Variants in RARB observed in about 807,000 individuals in gnomAD.
RARB encodes the protein HBV-activated protein.
Under a neutral mutation model 51.9 loss-of-function variants are expected in RARB, and 17 were observed. The ratio of observed to expected loss-of-function variants is 0.33; its 90% confidence interval spans 0.22 to 0.49. The LOEUF is 0.49. Ranked by LOEUF, RARB falls within the 20% of genes least tolerant of loss-of-function variation. The probability of loss-of-function intolerance (pLI) is 0.99; values close to 1 mark genes in which losing one functional copy is unlikely to be tolerated. For synonymous variants in RARB, 215 were observed against 195.4 expected, an observed-to-expected ratio of 1.10 and a Z score of -0.84; for missense variants, 369 against 550.8, an observed-to-expected ratio of 0.67 and a Z score of 3.30.
At chr3:25,337,487 C>T (rs535201185) in intron 5 of RARB, among the ~76,000 whole-genome samples, 5 of 152,230 alleles carry the variant, frequency 3.3e-5, no homozygotes, top group South Asian at 2.1e-4. Context: ...ACATTTGCAC[C>T]CTCATTCATT....
intron 2 of RARB, among the ~76,000 whole-genome samples, chr3:25,469,156 G>A (rs112377101): frequency 5.3e-5 from 8 of 152,198 alleles, no homozygotes; most frequent in African/African-American, 7.2e-5. Context: ...CCATGACAGC[G>A]TTCGGCTGCT....
chr3:24,994,420 T>G (rs1320885775), intron 2 of RARB, among the ~76,000 whole-genome samples: 1 of 152,196 alleles, frequency 6.6e-6, no homozygotes, highest in East Asian at 1.9e-4. Context: ...ATGAGTAGTT[T>G]GCAAATATTT....
chr3:25,410,076 G>T (rs376030601), intron 5 of RARB, among the ~76,000 whole-genome samples: 1 of 152,074 alleles, frequency 6.6e-6, no homozygotes, highest in African/African-American at 2.4e-5. Flanking sequence ...CCTATAATCC[G>T]TTCATCATTC....
chr3:24,858,436 C>T (rs1406740654), intron 1 of RARB, among the ~76,000 whole-genome samples: 1 of 152,166 alleles, frequency 6.6e-6, no homozygotes, highest in Admixed American at 6.5e-5. Context: ...ACCAAGATGG[C>T]TGTACCCTAT....
At chr3:25,534,392 C>G (rs1450715927) in intron 3 of RARB, among the ~76,000 whole-genome samples, 1 of 152,118 alleles carries the variant, frequency 6.6e-6, no homozygotes, top group Non-Finnish European at 1.5e-5. Flanking sequence ...TTAATGGGTC[C>G]TCAGTTACCT....
chr3:25,112,249 G>A (rs1699614814), intron 3 of RARB, among the ~76,000 whole-genome samples: 1 of 152,002 alleles, frequency 6.6e-6, no homozygotes, highest in African/African-American at 2.4e-5. Flanking sequence ...TCATATCACT[G>A]GTGAAAGACT....
intron 2 of RARB, among the ~76,000 whole-genome samples, chr3:25,498,751 T>G (rs1697160065): frequency 6.6e-6 from 1 of 152,232 alleles, no homozygotes; most frequent in Admixed American, 6.5e-5. Context: ...CATACCTCAT[T>G]TTCTTCCCAC....
In RARB at chr3:25,446,846, G is replaced by C. The variant is rs564168849; in HGVS notation, c.158-14347G>C. Among the ~76,000 whole-genome samples the C allele has an allele frequency of 2.0e-5, 3 of 147,260 alleles. 1 individual carries two copies. In the South Asian group the frequency reaches 6.5e-4, roughly 32 times the overall value. On this transcript the variant is annotated intron_variant, in intron 1 of 7. Coordinates refer to ENST00000330688, the MANE Select transcript of RARB (RefSeq NM_000965.5). ...AAAAAAAAAAATTAAAAAATGAATA[G>C]GACTGTTAGGAATATAAATGTGTAC...
chr3:25,011,275 G>C (rs187043004), intron 2 of RARB, among the ~76,000 whole-genome samples: 5 of 152,208 alleles, frequency 3.3e-5, no homozygotes, highest in Admixed American at 2.6e-4. Flanking sequence ...AAGCAGATCG[G>C]GGGAAGTTGA....
intron 2 of RARB, among the ~76,000 whole-genome samples, chr3:24,963,980 A>G (rs1696199671): frequency 6.6e-6 from 1 of 152,166 alleles, no homozygotes; most frequent in South Asian, 2.1e-4. Context: ...GAGGGCTTCC[A>G]TACCTGACAA....
intron 5 of RARB, among the ~76,000 whole-genome samples, chr3:25,207,744 G>C (rs1701586636): frequency 6.6e-6 from 1 of 152,198 alleles, no homozygotes; most frequent in African/African-American, 2.4e-5. Context: ...AGTAAATATT[G>C]CTTGAATGAA....
intron 5 of RARB, among the ~76,000 whole-genome samples, chr3:25,404,505 A>T (rs76025702): frequency 0.016 from 2,485 of 152,286 alleles, 65 homozygotes; most frequent in African/African-American, 0.057. Context: ...GATTCTAGGG[A>T]ATAAATAATT....
chr3:24,856,194 A>C (rs1361817989), intron 1 of RARB, among the ~76,000 whole-genome samples: 1 of 152,172 alleles, frequency 6.6e-6, no homozygotes, highest in Non-Finnish European at 1.5e-5. Flanking sequence ...TGCAGGGATA[A>C]AAATTCATCC....
chr3:25,336,719 A>G (rs899249312), intron 5 of RARB, among the ~76,000 whole-genome samples: 13 of 152,118 alleles, frequency 8.5e-5, no homozygotes, highest in Admixed American at 3.3e-4. Context: ...CACTGAACTA[A>G]TCCTAGGTTT....
At chr3:25,234,698 G>A (rs1396239115) in intron 5 of RARB, among the ~76,000 whole-genome samples, 5 of 151,198 alleles carry the variant, frequency 3.3e-5, no homozygotes, top group African/African-American at 1.2e-4. Context: ...TCATTCCTCT[G>A]ACCAGAAACA....
chr3:25,427,738 C>G (rs1272193082), upstream of RARB, among the ~76,000 whole-genome samples: 1 of 152,198 alleles, frequency 6.6e-6, no homozygotes, highest in African/African-American at 2.4e-5. Flanking sequence ...CCAACCCAAG[C>G]CTTTCCCAAG....
intron 2 of RARB, among the ~76,000 whole-genome samples, chr3:25,470,950 A>G (rs141514095): frequency 1.7e-3 from 259 of 152,320 alleles, no homozygotes; most frequent in African/African-American, 6.0e-3. Flanking sequence ...ACATAGTAGG[A>G]CGTTAATGTA....
chr3:25,564,477 G>A (rs1188401267), intron 3 of RARB, among the ~76,000 whole-genome samples: 1 of 152,182 alleles, frequency 6.6e-6, no homozygotes, highest in Non-Finnish European at 1.5e-5. Context: ...TAGGGGTGGA[G>A]AGCAGTTAGT....
At chr3:24,843,552 T>C (rs534202116) in intron 1 of RARB, among the ~76,000 whole-genome samples, 5 of 152,300 alleles carry the variant, frequency 3.3e-5, no homozygotes, top group South Asian at 2.1e-4. Context: ...TTCCCTCATA[T>C]AGATTTGAAT....
Sources: gnomAD v4.1 joint callset for allele counts (sites outside exome capture counted in the v4.1 genomes callset) on GRCh38, gnomAD v4.1.1 for gene constraint, MANE v1.5 for transcripts, NCBI Gene and HGNC (gene_info 2026-07-23, HGNC 2026-07-21) for gene names.